The following PEAK1 variants were observed in gnomAD, a reference collection of about 807,000 sequenced individuals.
PEAK1 encodes pseudopodium enriched atypical kinase 1, also known as inactive tyrosine-protein kinase PEAK1.
In PEAK1, 54 loss-of-function variants were observed where a neutral mutation model predicts 124.7. That is an observed-to-expected ratio of 0.43 (90% CI 0.35 to 0.54). PEAK1 has a LOEUF of 0.54. Among genes scored for constraint, PEAK1 ranks in the 20% least tolerant of loss-of-function variants. The pLI, the probability that PEAK1 is intolerant of heterozygous loss-of-function variation, is 0.01. For missense variants in PEAK1, 2,046 were observed against 2,134.5 expected (o/e 0.96, Z 0.82); for synonymous variants, 719 against 760.0 (o/e 0.95, Z 0.89).
intron 2 of PEAK1, chr15:77,347,565 C>T: frequency 2.0e-6 from 2 of 985,372 alleles, no homozygotes; most frequent in Non-Finnish European, 1.2e-6. Context: ...AGGAATGTTT[C>T]TGGATGTATT....
At chr15:77,393,990 G>C (rs2070697858) in intron 1 of PEAK1, among the ~76,000 whole-genome samples, 1 of 152,192 alleles carries the variant, frequency 6.6e-6, no homozygotes, top group Non-Finnish European at 1.5e-5. Context: ...TAGCCAGGCA[G>C]TACTCACCAC....
At chr15:77,244,610 A>G (rs1338138487) in intron 6 of PEAK1, among the ~76,000 whole-genome samples, 1 of 150,466 alleles carries the variant, frequency 6.6e-6, no homozygotes, top group East Asian at 1.9e-4. Context: ...TTTTTTTGAG[A>G]CAGACTCTTG....
chr15:77,376,447 T>C (rs984805663), intron 1 of PEAK1, among the ~76,000 whole-genome samples: 4 of 152,066 alleles, frequency 2.6e-5, no homozygotes, highest in Non-Finnish European at 5.9e-5. Context: ...CTTCAGAATA[T>C]ACCTACCCTA....
chr15:77,178,824 A>T lies in PEAK1; in HGVS notation c.3103T>A (p.Ser1035Thr). The change falls in exon 7 of 10, where the codon TCT becomes ACT. Residue 1035 changes from serine (S) to threonine (T), a missense_variant. Coordinates refer to ENST00000682557, the MANE Select transcript of PEAK1 (RefSeq NM_001385026.1). ...LQDSEKKRSH[S>T]SPSQIPKKIL... ...TTTTTAGGAATCTGTGATGGAGAAG[A>T]ATGACTCCTCTTCTTCTCTGAGTCC... The T allele has an allele frequency of 3.1e-6, 5 of 1,613,882 alleles. No individual in the cohort carries two copies. The highest frequency in any genetic ancestry group is 4.2e-6 in the Non-Finnish European group (5 of 1,179,910).
At chr15:77,391,191 A>G (rs951301814) in intron 1 of PEAK1, among the ~76,000 whole-genome samples, 1 of 152,116 alleles carries the variant, frequency 6.6e-6, no homozygotes, top group African/African-American at 2.4e-5. Context: ...GCTGAGCTAC[A>G]CAGTATCCAC....
At chr15:77,387,033 T>C (rs542012847) in intron 1 of PEAK1, among the ~76,000 whole-genome samples, 355 of 152,344 alleles carry the variant, frequency 2.3e-3, no homozygotes, top group Non-Finnish European at 3.0e-3. Context: ...AGTGCAGACG[T>C]ATAAGTTTGT....
intron 1 of PEAK1, among the ~76,000 whole-genome samples, chr15:77,413,861 T>C (rs1186666947): frequency 6.6e-6 from 1 of 152,224 alleles, no homozygotes; most frequent in Non-Finnish European, 1.5e-5. Context: ...TCTTACTCTG[T>C]TGCCCAGACT....
intron 7 of PEAK1, among the ~76,000 whole-genome samples, chr15:77,174,374 G>A (rs1329021358): frequency 1.3e-5 from 2 of 152,034 alleles, no homozygotes; most frequent in Non-Finnish European, 2.9e-5. Context: ...TCAGCAGTGA[G>A]CTCCCAGCCG....
intron 2 of PEAK1, among the ~76,000 whole-genome samples, chr15:77,331,861 C>CT (rs2065908288): frequency 6.6e-6 from 1 of 152,012 alleles, no homozygotes; most frequent in African/African-American, 2.4e-5. Flanking sequence ...TGTGATCTGC[C>CT]TGCCTTGGCC....
At chr15:77,390,746 T>C (rs1463900733) in intron 1 of PEAK1, among the ~76,000 whole-genome samples, 1 of 152,182 alleles carries the variant, frequency 6.6e-6, no homozygotes, top group Non-Finnish European at 1.5e-5. Context: ...AAAGATGAGA[T>C]AACTAAGAAA....
rs2152710729 is a variant in PEAK1 at position 77,115,286 on chromosome 15, A to G, written c.4111T>C (p.Tyr1371His). 1 of 1,613,924 alleles carries G rather than the reference A, an allele frequency of 6.2e-7. No individual in the cohort carries two copies. The highest frequency in any genetic ancestry group is 8.5e-7 in the Non-Finnish European group (1 of 1,179,802). The part of the protein sequence containing the change: ...CKSKAKESQQ[Y>H]YHSLAVRQSL... ...TGCCGGACAGCCAAGCTGTGATAAT[A>G]CTGCTGAGATTCTTTAGCTTTGCTC... The change falls in exon 10 of 10, where the codon TAT becomes CAT. Residue 1371 changes from tyrosine (Y) to histidine (H), a missense_variant. By Grantham distance (83) the Tyr-to-His change is moderately conservative (BLOSUM62 2). Transcript: ENST00000682557.
At chr15:77,153,178 G>T (rs577362590) in intron 8 of PEAK1, among the ~76,000 whole-genome samples, 1 of 152,240 alleles carries the variant, frequency 6.6e-6, no homozygotes, top group African/African-American at 2.4e-5. Context: ...CCTGTTATTG[G>T]TCTATTCAGA....
At chr15:77,294,249 C>T (rs942593906) in intron 2 of PEAK1, among the ~76,000 whole-genome samples, 8 of 152,028 alleles carry the variant, frequency 5.3e-5, no homozygotes, top group Non-Finnish European at 5.9e-5. Flanking sequence ...TTTGTGTCTA[C>T]TGAATGTATG....
intron 6 of PEAK1, among the ~76,000 whole-genome samples, chr15:77,247,638 G>C (rs1337337249): frequency 1.3e-5 from 2 of 151,592 alleles, no homozygotes; most frequent in African/African-American, 4.8e-5. Flanking sequence ...ACCGCACCTG[G>C]CTAATTTTTT....
chr15:77,414,394 T>C (rs1409808600), intron 1 of PEAK1, among the ~76,000 whole-genome samples: 1 of 151,010 alleles, frequency 6.6e-6, no homozygotes, highest in Non-Finnish European at 1.5e-5. Flanking sequence ...TATTTTTTTT[T>C]TTTTTTTGTA....
In PEAK1 at chr15:77,180,458, T is replaced by G; in HGVS notation, c.1469A>C (p.Glu490Ala). Residue 490 changes from glutamate to alanine, a missense_variant, in exon 7 of 10, where the codon GAG (glutamate) becomes GCG (alanine). Coordinates refer to ENST00000682557, the MANE Select transcript of PEAK1 (RefSeq NM_001385026.1). ...VSAAMASEHLEGPVNSPKTKS... is the reference protein window; with the variant it reads ...VSAAMASEHLAGPVNSPKTKS... ...TGTCTTGGGGCTGTTAACAGGGCCC[T>G]CGAGGTGCTCACTGGCCATGGCTGC... 1 of 1,614,142 alleles carries G rather than the reference T, an allele frequency of 6.2e-7. No individual in the cohort carries two copies. The highest frequency in any genetic ancestry group is 8.5e-7 in the Non-Finnish European group (1 of 1,180,006).
At chr15:77,129,599 CTA>C (rs1567002808) in intron 9 of PEAK1, among the ~76,000 whole-genome samples, 2 of 130,004 alleles carry the variant, frequency 1.5e-5, no homozygotes, top group Non-Finnish European at 3.3e-5. Context: ...CAATGACTGG[CTA>C]TTTTTTTTTT....
intron 6 of PEAK1, among the ~76,000 whole-genome samples, chr15:77,230,047 C>T (rs906180858): frequency 2.6e-5 from 4 of 152,054 alleles, no homozygotes; most frequent in Non-Finnish European, 5.9e-5. Flanking sequence ...AAACAAGACA[C>T]CATTCTCAAA....
At chr15:77,404,661 G>A (rs984219962) in intron 1 of PEAK1, 38 of 953,506 alleles carry the variant, frequency 4.0e-5, no homozygotes, top group Middle Eastern at 1.1e-3. Flanking sequence ...CATATTCTTC[G>A]AGACTATAAA....
Sources: allele counts gnomAD v4.1 joint callset (sites outside exome capture counted in the v4.1 genomes callset), GRCh38; gene constraint gnomAD v4.1.1; transcripts MANE v1.5; gene names NCBI Gene and HGNC (gene_info 2026-07-23, HGNC 2026-07-21).